MEF2C: variants seen among roughly 807,000 people sequenced by gnomAD.
The protein encoded by MEF2C is myocyte-specific enhancer factor 2C.
MEF2C carries 6 observed loss-of-function variants against 50.5 expected under a neutral mutation model. The ratio of observed to expected loss-of-function variants is 0.12; its 90% CI spans 0.07 to 0.23. MEF2C has a LOEUF of 0.23. Ranked by LOEUF, MEF2C falls within the 10% of genes least tolerant of loss-of-function variation. The probability of loss-of-function intolerance (pLI) is 1.00; values close to 1 mark genes in which losing one functional copy is unlikely to be tolerated. For synonymous variants in MEF2C, 183 were observed against 228.0 expected (o/e 0.80, Z 1.78); for missense variants, 276 against 605.0 (o/e 0.46, Z 5.70).
chr5:88,738,341 A>G (rs555354457), intron 6 of MEF2C: 3 of 985,390 alleles, frequency 3.0e-6, no homozygotes, highest in East Asian at 2.3e-4. Context: ...AAGCATACAC[A>G]TTAACTGCTC....
intron 5 of MEF2C, among the ~76,000 whole-genome samples, chr5:88,750,908 G>T (rs1330024583): frequency 1.3e-5 from 2 of 152,052 alleles, no homozygotes; most frequent in Admixed American, 6.5e-5. Context: ...TGTGTATGTA[G>T]GATACATTAA....
intron 1 of MEF2C, among the ~76,000 whole-genome samples, chr5:88,847,166 A>T (rs1322765561): frequency 1.3e-5 from 2 of 152,210 alleles, no homozygotes; most frequent in Non-Finnish European, 2.9e-5. Context: ...GTGAGAGTGT[A>T]GACATATTGG....
intron 1 of MEF2C, among the ~76,000 whole-genome samples, chr5:88,864,377 A>G (rs1402741297): frequency 6.6e-6 from 1 of 151,568 alleles, no homozygotes; most frequent in African/African-American, 2.4e-5. Flanking sequence ...GTGGTTCTCA[A>G]CCCAAGCTTT....
chr5:88,857,627 G>C (rs543967364), intron 1 of MEF2C, among the ~76,000 whole-genome samples: 1 of 152,136 alleles, frequency 6.6e-6, no homozygotes, highest in Non-Finnish European at 1.5e-5. Flanking sequence ...CATGGGGGTA[G>C]TTCCCCCGTA....
intron 1 of MEF2C, among the ~76,000 whole-genome samples, chr5:88,894,142 CT>C (rs2150260853): frequency 6.6e-6 from 1 of 152,182 alleles, no homozygotes; most frequent in East Asian, 1.9e-4. Context: ...CTTTTGTTTC[CT>C]TTTATTCAAA....
intron 1 of MEF2C, among the ~76,000 whole-genome samples, chr5:88,833,022 C>A (rs1399065505): frequency 6.6e-6 from 1 of 152,064 alleles, no homozygotes; most frequent in Non-Finnish European, 1.5e-5. Flanking sequence ...TCTTATGACT[C>A]AACCAACAGA....
At chr5:88,778,758 C>T (rs1786195546) in intron 3 of MEF2C, among the ~76,000 whole-genome samples, 1 of 152,208 alleles carries the variant, frequency 6.6e-6, no homozygotes, top group African/African-American at 2.4e-5. Flanking sequence ...ACAAGGAAGA[C>T]ACAGTAAGAT....
intron 1 of MEF2C, among the ~76,000 whole-genome samples, chr5:88,850,178 A>G (rs1361340891): frequency 1.3e-5 from 2 of 151,690 alleles, no homozygotes; most frequent in African/African-American, 4.9e-5. Context: ...GAGTGAGAAC[A>G]TGCAGTGTTT....
chr5:88,853,367 C>T (rs1822107021), intron 1 of MEF2C, among the ~76,000 whole-genome samples: 1 of 152,194 alleles, frequency 6.6e-6, no homozygotes, highest in South Asian at 2.1e-4. Context: ...GCTGTGTACA[C>T]AGGGTAGCCA....
chr5:88,819,484 C>T, intron 2 of MEF2C: 1 of 601,234 alleles, frequency 1.7e-6, no homozygotes, highest in Non-Finnish European at 2.1e-6. Flanking sequence ...GATCTTCCTT[C>T]AGCTCCTCAG....
chr5:88,859,375 G>A (rs1051943625), intron 1 of MEF2C, among the ~76,000 whole-genome samples: 5 of 152,166 alleles, frequency 3.3e-5, no homozygotes, highest in Non-Finnish European at 7.3e-5. Flanking sequence ...TTAAGATCCC[G>A]CTCAAGTGTT....
At chr5:88,891,528 G>C (rs1362257478) in intron 1 of MEF2C, among the ~76,000 whole-genome samples, 1 of 149,582 alleles carries the variant, frequency 6.7e-6, no homozygotes, top group Non-Finnish European at 1.5e-5. Context: ...TCAGCCTCCC[G>C]AGTAGCTGGG....
At chr5:88,744,390 T>C (rs1768345977) in intron 6 of MEF2C, among the ~76,000 whole-genome samples, 1 of 152,114 alleles carries the variant, frequency 6.6e-6, no homozygotes, top group South Asian at 2.1e-4. Context: ...CCATCTCTAC[T>C]AAAATACAGA....
chr5:88,744,981 A>G (rs1370212098), intron 6 of MEF2C, among the ~76,000 whole-genome samples: 2 of 152,242 alleles, frequency 1.3e-5, no homozygotes, highest in African/African-American at 4.8e-5. Flanking sequence ...TTAATTAAAC[A>G]TTCGTTGTAT....
intron 1 of MEF2C, among the ~76,000 whole-genome samples, chr5:88,873,851 T>C (rs1418810162): frequency 2.6e-5 from 4 of 151,016 alleles, no homozygotes; most frequent in Non-Finnish European, 4.4e-5. Context: ...CAATAAATAC[T>C]AGAAATAAAA....
rs1329322055 is a variant in MEF2C at position 88,720,567 on chromosome 5, C to CATGAT, written c.*2032_*2036dup. ...AAAAATGGATAAGAAATGTCCTACA[C>CATGAT]ATGATATAGCAGTGTTGATATTACT... On this transcript the variant is annotated 3_prime_UTR_variant, in exon 11 of 11. Transcript: ENST00000504921. The CATGAT allele has an allele frequency of 1.7e-4, 26 of 152,594 alleles. No individual in the cohort carries two copies. Among genetic ancestry groups the CATGAT allele is most frequent in the Admixed American group, 3.3e-4 (5 of 15,278 alleles). 9.5% of individuals were successfully genotyped at this position (152,594 alleles called of 1,614,324 possible). A position where few individuals can be genotyped will look rare whatever the true frequency, so the allele number is the denominator to read the frequency against.
At chr5:88,805,578 T>G (rs1404721648) in intron 2 of MEF2C, among the ~76,000 whole-genome samples, 1 of 152,158 alleles carries the variant, frequency 6.6e-6, no homozygotes, top group African/African-American at 2.4e-5. Context: ...CTTCCTGTCC[T>G]CGATGATCTC....
intron 10 of MEF2C, among the ~76,000 whole-genome samples, chr5:88,724,022 T>C (rs1401231479): frequency 6.6e-6 from 1 of 152,224 alleles, no homozygotes; most frequent in Non-Finnish European, 1.5e-5. Flanking sequence ...AAGATGCTTT[T>C]ACTCTTCTTA....
chr5:88,775,002 C>T (rs561260615), intron 3 of MEF2C, among the ~76,000 whole-genome samples: 33 of 152,294 alleles, frequency 2.2e-4, no homozygotes, highest in African/African-American at 6.7e-4. Flanking sequence ...TGCCTTGTGT[C>T]GGGGTATCCT....
Sources: gnomAD v4.1 joint callset for allele counts (sites outside exome capture counted in the v4.1 genomes callset) on GRCh38, gnomAD v4.1.1 for gene constraint, MANE v1.5 for transcripts, NCBI Gene and HGNC (gene_info 2026-07-23, HGNC 2026-07-21) for gene names.